The following ARHGEF6 variants were observed in gnomAD, a reference collection of about 807,000 sequenced individuals.
ARHGEF6 encodes Rac/Cdc42 guanine nucleotide exchange factor 6.
A neutral mutation model predicts 70.3 loss-of-function variants in ARHGEF6; 9 were observed. The ratio of observed to expected loss-of-function variants is 0.13; its 90% CI spans 0.08 to 0.22. The LOEUF is 0.22. Among genes scored for constraint, ARHGEF6 ranks in the 10% least tolerant of loss-of-function variants. The pLI, the probability that ARHGEF6 is intolerant of heterozygous loss-of-function variation, is 1.00. For synonymous variants in ARHGEF6, 201 were observed against 207.8 expected, an observed-to-expected ratio of 0.97 and a Z score of 0.28; for missense variants, 470 against 563.0, an observed-to-expected ratio of 0.83 and a Z score of 1.67.
intron 20 of ARHGEF6, among the ~76,000 whole-genome samples, chrX:136,671,523 C>T: frequency 8.9e-6 from 1 of 112,425 alleles, no homozygotes; most frequent in East Asian, 2.8e-4. Flanking sequence ...CATAATTTCC[C>T]TGAACTTCCT....
At chrX:136,679,755 CAA>C in intron 15 of ARHGEF6, 95 bp from the exon 16 acceptor site, 1 of 1,066,957 alleles carries the variant, frequency 9.4e-7, no homozygotes, top group Non-Finnish European at 1.3e-6. Context: ...ATTGGATTAG[CAA>C]AGACAGCCAT....
At chrX:136,718,659 G>A (rs2076763042) in intron 6 of ARHGEF6, among the ~76,000 whole-genome samples, 1 of 111,183 alleles carries the variant, frequency 9.0e-6, no homozygotes, top group Admixed American at 9.6e-5. Flanking sequence ...CTTTTAGTAT[G>A]ATAAATATAT....
chrX:136,760,697 C>T (rs914861423), intron 2 of ARHGEF6, among the ~76,000 whole-genome samples: 1 of 110,872 alleles, frequency 9.0e-6, no homozygotes, highest in South Asian at 3.8e-4. Flanking sequence ...TTTTATTTTC[C>T]CCCTCAACTA....
chrX:136,751,197 G>A (rs2077147318), intron 2 of ARHGEF6, among the ~76,000 whole-genome samples: 1 of 111,680 alleles, frequency 9.0e-6, no homozygotes, highest in Non-Finnish European at 1.9e-5. Context: ...CCCAATGACA[G>A]CAAAACCTAT....
At chrX:136,734,548 T>A (rs778158205) in intron 5 of ARHGEF6, among the ~76,000 whole-genome samples, 15 of 111,582 alleles carry the variant, frequency 1.3e-4, no homozygotes, top group Non-Finnish European at 2.6e-4. Flanking sequence ...GCCCATAAGG[T>A]GTCACTGGAG....
At chrX:136,764,085 G>C (rs1467307856) in intron 2 of ARHGEF6, among the ~76,000 whole-genome samples, 2 of 110,693 alleles carry the variant, frequency 1.8e-5, no homozygotes, top group Non-Finnish European at 3.8e-5. Flanking sequence ...AGACAGTTGA[G>C]GTCACTAGGT....
chrX:136,700,478 GAT>G (rs2076558703), intron 9 of ARHGEF6, among the ~76,000 whole-genome samples: 1 of 110,886 alleles, frequency 9.0e-6, no homozygotes, highest in Non-Finnish European at 1.9e-5. Flanking sequence ...AGTGAGCTGA[GAT>G]CGCGCCACTG....
In ARHGEF6 at chrX:136,750,911, T is replaced by A. The variant is rs2077143848; in HGVS notation, c.250-3319A>T. ...TCCGCCTCCCAGTTTCAAGCAATTC[T>A]CCTGCCTCAGCCTCTCGAGTAGCTG... On this transcript the variant is annotated intron_variant, in intron 2 of 21. Coordinates refer to ENST00000250617, the MANE Select transcript of ARHGEF6 (RefSeq NM_004840.3). Among the ~76,000 whole-genome samples, 4 of 110,047 alleles carry A rather than the reference T, an allele frequency of 3.6e-5. No individual in the cohort carries two copies. The South Asian group carries it at 1.2e-3, about 32-fold the overall frequency.
intron 6 of ARHGEF6, among the ~76,000 whole-genome samples, chrX:136,727,170 T>G (rs1324101230): frequency 1.8e-5 from 2 of 111,628 alleles, no homozygotes; most frequent in Non-Finnish European, 3.8e-5. Context: ...TTAGGTGAAG[T>G]GAGCATCAGA....
chrX:136,691,733 T>G (rs1247135714), intron 9 of ARHGEF6, among the ~76,000 whole-genome samples: 1 of 111,842 alleles, frequency 8.9e-6, no homozygotes, highest in Non-Finnish European at 1.9e-5. Flanking sequence ...TCTGGCTCAC[T>G]TCAATAGACC....
chrX:136,718,611 T>TA (rs1340904885), intron 6 of ARHGEF6, among the ~76,000 whole-genome samples: 2 of 111,771 alleles, frequency 1.8e-5, no homozygotes, highest in Non-Finnish European at 3.8e-5. Flanking sequence ...AACTGTTAAA[T>TA]AATTTATACA....
At chrX:136,668,313 C>T in intron 21 of ARHGEF6, 144 bp from the exon 22 acceptor site, 3 of 702,365 alleles carry the variant, frequency 4.3e-6, no homozygotes, top group Non-Finnish European at 6.4e-6. Context: ...ACAAAGCAGC[C>T]TGTCGATTCT....
chrX:136,779,375 A>T (rs1157639677), intron 2 of ARHGEF6, 39 bp downstream of exon 2: 3 of 1,136,984 alleles, frequency 2.6e-6, no homozygotes, highest in Non-Finnish European at 3.6e-6. Flanking sequence ...CAGAGCAAAA[A>T]AACGATGACA....
intron 6 of ARHGEF6, among the ~76,000 whole-genome samples, chrX:136,731,591 C>T (rs1403292788): frequency 8.9e-6 from 1 of 112,204 alleles, no homozygotes; most frequent in Non-Finnish European, 1.9e-5. Flanking sequence ...TTTGACATAT[C>T]TGTGTTTAAG....
rs926622130 is a variant in ARHGEF6, at chrX:136,679,552, C to T, written c.1813G>A (p.Ala605Thr). ...RPAPPLRPSA[A>T]LGYKERMSYI... ...AAAATTACCTCTTTATAACCTAGTG[C>T]TGCTGATGGTCTAAGTGGAGGTGCA... is the stretch of plus-strand genomic sequence containing the variant. The change falls in exon 16 of 22, where the codon GCA (alanine) becomes ACA (threonine). Residue 605 changes from alanine to threonine, a missense_variant. By Grantham distance (58) the Ala-to-Thr change is moderately conservative. This residue lies in a region of ARHGEF6 where 379 missense variants were observed against 449.3 expected (regional missense o/e 0.84). Coordinates refer to ENST00000250617, the MANE Select transcript of ARHGEF6 (RefSeq NM_004840.3). 1.7e-6 allele frequency: 2 copies of T among 1,211,323 alleles called. No individual in the cohort carries two copies. Among genetic ancestry groups the T allele is most frequent in the Admixed American group, 2.2e-5 (1 of 46,033 alleles).
chrX:136,673,511 G>C (rs1569385601), intron 19 of ARHGEF6, among the ~76,000 whole-genome samples: 2 of 111,931 alleles, frequency 1.8e-5, no homozygotes, highest in East Asian at 5.7e-4. Flanking sequence ...GTCTTTTTAA[G>C]CCAGAATATC....
intron 6 of ARHGEF6, among the ~76,000 whole-genome samples, chrX:136,724,478 T>C (rs760738987): frequency 4.0e-4 from 44 of 111,324 alleles, no homozygotes; most frequent in Non-Finnish European, 6.4e-4. Flanking sequence ...TATTCATTTA[T>C]TTTTTGTTGT....
chrX:136,682,735 T>C, intron 13 of ARHGEF6, 23 bp downstream of exon 13: 2 of 1,162,488 alleles, frequency 1.7e-6, no homozygotes, highest in South Asian at 3.6e-5. Context: ...GTCTGCTATG[T>C]GTTTTATATG....
At chrX:136,770,658 C>T (rs776049017) in intron 2 of ARHGEF6, among the ~76,000 whole-genome samples, 2 of 112,584 alleles carry the variant, frequency 1.8e-5, no homozygotes, top group South Asian at 7.3e-4. Context: ...ACTATTCAAA[C>T]TAATGAATAA....
Sources: allele counts gnomAD v4.1 joint callset (sites outside exome capture counted in the v4.1 genomes callset), GRCh38; gene constraint gnomAD v4.1.1; regional missense constraint gnomAD v4.1.1; transcripts MANE v1.5; gene names NCBI Gene and HGNC (gene_info 2026-07-23, HGNC 2026-07-21).